The following RBFOX1 variants were observed in gnomAD, a reference collection of about 807,000 sequenced individuals.
RBFOX1 encodes the protein RNA binding fox-1 homolog 1, also known as RNA binding protein fox-1 homolog 1.
A neutral mutation model predicts 57.7 loss-of-function variants in RBFOX1; 8 were observed. The ratio of observed to expected loss-of-function variants is 0.14; its 90% CI spans 0.08 to 0.25. The LOEUF is 0.25. RBFOX1 is among the 10% of genes least tolerant of loss of function. The pLI is 1.00. For missense variants in RBFOX1, 611 were observed against 548.5 expected, an observed-to-expected ratio of 1.11 and a Z score of -1.14; for synonymous variants, 326 against 222.4, an observed-to-expected ratio of 1.47 and a Z score of -4.15.
intron 4 of RBFOX1, among the ~76,000 whole-genome samples, chr16:7,283,649 C>G (rs751169617): frequency 5.9e-5 from 9 of 152,120 alleles, no homozygotes; most frequent in Non-Finnish European, 1.2e-4. Context: ...ACTCAGTTTT[C>G]TTTAATTGGC....
At chr16:5,776,689 G>A (rs1266825541) in intron 3 of RBFOX1, among the ~76,000 whole-genome samples, 1 of 152,200 alleles carries the variant, frequency 6.6e-6, no homozygotes, top group Non-Finnish European at 1.5e-5. Flanking sequence ...AAGCTAGAAA[G>A]TGGCAGAGCT....
chr16:6,115,087 G>T (rs2096484533), intron 1 of RBFOX1, among the ~76,000 whole-genome samples: 1 of 151,378 alleles, frequency 6.6e-6, no homozygotes. Context: ...CATGGCATTT[G>T]TAAACTATCA....
chr16:5,599,149 C>T lies in RBFOX1; in HGVS notation c.506C>T (p.Pro169Leu), dbSNP rs531848347. ...CTTGCACAATTTCTATCACTTGGGC[C>T]GTATTCCCAGCCTCTGGTACATGGT... Residue 169 changes from proline to leucine, a missense_variant, in exon 3 of 3, where the codon CCG becomes CTG. Physicochemically the swap from Pro to Leu is moderately conservative, Grantham distance 98. Coordinates refer to the RBFOX1 transcript ENST00000585867. 569 of 715,020 alleles carry T rather than the reference C, an allele frequency of 8.0e-4. 1 individual carries two copies. The highest frequency in any genetic ancestry group is 1.3e-3 in the Non-Finnish European group (497 of 396,172). The allele number at this position is 715,020 out of a possible 1,614,324, so 44.3% of individuals were successfully genotyped here. A position where few individuals can be genotyped will look rare whatever the true frequency, so the allele number is the denominator to read the frequency against.
intron 4 of RBFOX1, among the ~76,000 whole-genome samples, chr16:5,895,847 A>T (rs771263727): frequency 6.6e-6 from 1 of 152,208 alleles, no homozygotes; most frequent in Non-Finnish European, 1.5e-5. Flanking sequence ...AAGCGATGTA[A>T]CTGTTTTGCT....
chr16:6,608,056 G>A (rs538491572), intron 2 of RBFOX1, among the ~76,000 whole-genome samples: 4 of 152,218 alleles, frequency 2.6e-5, no homozygotes, highest in African/African-American at 7.2e-5. Context: ...GTCCTTCATT[G>A]TACAGAATTT....
At chr16:5,662,341 C>A (rs1046029105) in intron 3 of RBFOX1, among the ~76,000 whole-genome samples, 4 of 152,088 alleles carry the variant, frequency 2.6e-5, no homozygotes, top group Non-Finnish European at 2.9e-5. Flanking sequence ...GTTTGTTGTA[C>A]TAGAAATTAA....
chr16:5,448,704 C>G (rs1406852670), intron 1 of RBFOX1, among the ~76,000 whole-genome samples: 1 of 152,204 alleles, frequency 6.6e-6, no homozygotes, highest in Admixed American at 6.5e-5. Context: ...GATACACCCA[C>G]CCCTAAATGA....
intron 5 of RBFOX1, among the ~76,000 whole-genome samples, chr16:7,561,433 C>T (rs181439739): frequency 6.6e-6 from 1 of 152,316 alleles, no homozygotes; most frequent in East Asian, 1.9e-4. Flanking sequence ...CATTTCCGAA[C>T]ATATATTTAC....
chr16:7,222,557 G>T (rs560063774), intron 4 of RBFOX1, among the ~76,000 whole-genome samples: 1 of 152,140 alleles, frequency 6.6e-6, no homozygotes, highest in Non-Finnish European at 1.5e-5. Flanking sequence ...AGCAACAATT[G>T]GATATGTGTC....
At chr16:6,629,988 C>T (rs1602012133) in intron 2 of RBFOX1, among the ~76,000 whole-genome samples, 1 of 130,820 alleles carries the variant, frequency 7.6e-6, no homozygotes, top group African/African-American at 2.9e-5. Flanking sequence ...AAAAAAAAGA[C>T]CATTGCTTTC....
intron 3 of RBFOX1, among the ~76,000 whole-genome samples, chr16:5,784,063 C>G (rs2054414433): frequency 6.6e-6 from 1 of 152,148 alleles, no homozygotes; most frequent in Non-Finnish European, 1.5e-5. Context: ...GTACGGGAAG[C>G]ATAGAGGCCT....
chr16:5,524,389 C>T (rs911552218), intron 2 of RBFOX1, among the ~76,000 whole-genome samples: 5 of 152,176 alleles, frequency 3.3e-5, no homozygotes, highest in Non-Finnish European at 7.4e-5. Flanking sequence ...TTTGGGAGGG[C>T]AAGCCCAGTA....
chr16:6,785,343 T>C (rs1049600644), intron 3 of RBFOX1, among the ~76,000 whole-genome samples: 1 of 152,178 alleles, frequency 6.6e-6, no homozygotes, highest in Non-Finnish European at 1.5e-5. Flanking sequence ...GTTCAGCAAA[T>C]TTCCCAGTTG....
intron 2 of RBFOX1, among the ~76,000 whole-genome samples, chr16:6,592,442 A>C (rs567496830): frequency 6.6e-6 from 1 of 152,298 alleles, no homozygotes; most frequent in South Asian, 2.1e-4. Context: ...GGGAGGGTGC[A>C]TTTTACATGG....
chr16:5,604,450 C>T (rs564604988), downstream of RBFOX1, among the ~76,000 whole-genome samples: 1 of 152,096 alleles, frequency 6.6e-6, no homozygotes, highest in Non-Finnish European at 1.5e-5. Context: ...GCCCTCAGAC[C>T]CTAGAGGCCA....
intron 2 of RBFOX1, among the ~76,000 whole-genome samples, chr16:5,500,864 C>G (rs769939853): frequency 4.6e-5 from 7 of 152,180 alleles, no homozygotes; most frequent in Non-Finnish European, 8.8e-5. Context: ...AGCTTTTTCT[C>G]TAGTCTACCT....
chr16:7,491,087 C>A (rs116559274), intron 4 of RBFOX1, among the ~76,000 whole-genome samples: 1 of 152,150 alleles, frequency 6.6e-6, no homozygotes, highest in Non-Finnish European at 1.5e-5. Context: ...ACCGTACCTG[C>A]ACCCACAAAT....
chr16:5,612,287 A>G (rs558845439), intron 3 of RBFOX1, among the ~76,000 whole-genome samples: 13 of 150,070 alleles, frequency 8.7e-5, no homozygotes, highest in Non-Finnish European at 1.6e-4. Context: ...TCACTCTCCC[A>G]TCCACCCACC....
intron 3 of RBFOX1, among the ~76,000 whole-genome samples, chr16:6,842,038 G>T (rs2093494661): frequency 6.6e-6 from 1 of 151,866 alleles, no homozygotes; most frequent in African/African-American, 2.4e-5. Context: ...AGCTACACGG[G>T]AGGCTGAGGG....
Sources: allele counts gnomAD v4.1 joint callset (sites outside exome capture counted in the v4.1 genomes callset), GRCh38; gene constraint gnomAD v4.1.1; transcripts MANE v1.5; gene names NCBI Gene and HGNC (gene_info 2026-07-23, HGNC 2026-07-21).